The following CACNB4 variants were observed in gnomAD, a reference collection of about 807,000 sequenced individuals.
CACNB4 encodes voltage-dependent L-type calcium channel subunit beta-4.
In CACNB4, 32 loss-of-function variants were observed where a neutral mutation model predicts 71.2. The ratio of observed to expected loss-of-function variants is 0.45; its 90% CI spans 0.34 to 0.60. CACNB4 has a LOEUF of 0.60. CACNB4 is among the 20% of genes least tolerant of loss of function. CACNB4 has a pLI of 0.01. For synonymous variants in CACNB4, 231 were observed against 236.9 expected (o/e 0.97, Z 0.23); for missense variants, 464 against 647.9 (o/e 0.72, Z 3.08).
chr2:151,870,611 T>C lies in CACNB4; in HGVS notation c.619A>G (p.Thr207Ala). The C allele has an allele frequency of 1.9e-6, 3 of 1,613,036 alleles. No individual in the cohort carries two copies. The South Asian group carries it at 3.3e-5, about 18-fold the overall frequency. ...TSTAKQKQKV[T>A]EHIPPYDVVP... ...ACATCGTAAGGAGGAATGTGCTCCG[T>C]CTGAAAAAGATGATTCGACACGCGT... The change falls in exon 8 of 14, where the codon ACG becomes GCG. Residue 207 changes from threonine (T) to alanine (A), a missense_variant and splice_region_variant. Thr to Ala is a moderately conservative substitution (Grantham distance 58, BLOSUM62 0). This residue lies in a region of CACNB4 where 299 missense variants were observed against 471.7 expected (regional missense o/e 0.63). Transcript: ENST00000539935.
intron 2 of CACNB4, among the ~76,000 whole-genome samples, chr2:152,041,240 T>C (rs189877029): frequency 6.6e-6 from 1 of 152,340 alleles, no homozygotes; most frequent in Admixed American, 6.5e-5. Context: ...TTATTCCCCT[T>C]TGGAACTTTT....
chr2:152,010,097 C>T (rs184627448), intron 2 of CACNB4, among the ~76,000 whole-genome samples: 2 of 152,318 alleles, frequency 1.3e-5, no homozygotes, highest in East Asian at 3.8e-4. Flanking sequence ...AGATGTTGCG[C>T]TAACCTTTAA....
intron 4 of CACNB4, 164 bp downstream of exon 4, chr2:151,880,636 T>A (rs2099847592): frequency 1.5e-6 from 1 of 681,504 alleles, no homozygotes; most frequent in South Asian, 1.8e-5. Context: ...GATCTCAGAC[T>A]TCTCAATCTT....
chr2:151,858,106 A>C (rs1249430279), intron 10 of CACNB4: 1 of 152,242 alleles, frequency 6.6e-6, no homozygotes, highest in Non-Finnish European at 1.5e-5. Flanking sequence ...ACCAAATCAA[A>C]AAATCTTGGC....
chr2:151,912,489 C>T (rs556428605), intron 2 of CACNB4, among the ~76,000 whole-genome samples: 2 of 152,184 alleles, frequency 1.3e-5, no homozygotes, highest in South Asian at 4.1e-4. Flanking sequence ...GAGTGAGTTT[C>T]TTAATCCTGA....
rs933022131 is a variant in CACNB4 at position 152,017,435 on chromosome 2, C to T, written c.147+80895G>A. 2.1e-4 allele frequency among the ~76,000 whole-genome samples: 31 copies of T among 151,172 alleles called. 2 individuals are homozygous for T. Among genetic ancestry groups the T allele is most frequent in the African/African-American group, 6.7e-4 (27 of 40,486 alleles). On this transcript the variant is annotated intron_variant, in intron 2 of 13. Transcript: ENST00000539935. ...TTAAAAAAATGAGATGGGCCGGGCGCGGTGGCTCACGCCTGTAATCCCAGC... is the reference window on the plus strand; with the variant it reads ...TTAAAAAAATGAGATGGGCCGGGCGTGGTGGCTCACGCCTGTAATCCCAGC...
chr2:151,833,642 C>T lies in CACNB4; in HGVS notation c.*5477G>A, dbSNP rs1350837133. On this transcript the variant is annotated 3_prime_UTR_variant, in exon 14 of 14. Coordinates refer to ENST00000539935, the MANE Select transcript of CACNB4 (RefSeq NM_000726.5). Reference sequence around the variant, plus strand: ...AATAAATTGCTGGAAAAGTATCAAGCAGCAAGTTAAAAAGATGGTAGATGA... The same window carrying T: ...AATAAATTGCTGGAAAAGTATCAAGTAGCAAGTTAAAAAGATGGTAGATGA... The T allele has an allele frequency of 1.3e-5, 2 of 151,938 alleles. No homozygotes were observed. The highest frequency in any genetic ancestry group is 3.9e-4 in the East Asian group (2 of 5,182). The allele number at this position is 151,938 out of a possible 1,614,324, so 9.4% of individuals were successfully genotyped here. A position where few individuals can be genotyped will look rare whatever the true frequency, so the allele number is the denominator to read the frequency against.
intron 2 of CACNB4, among the ~76,000 whole-genome samples, chr2:152,061,542 A>AT (rs756381983): frequency 2.5e-4 from 38 of 152,042 alleles, no homozygotes; most frequent in Admixed American, 2.0e-3. Context: ...AAAAGAGCAT[A>AT]TTACATCAAT....
At chr2:151,975,076 C>T (rs1028465466) in intron 2 of CACNB4, among the ~76,000 whole-genome samples, 6 of 152,156 alleles carry the variant, frequency 3.9e-5, no homozygotes, top group African/African-American at 1.2e-4. Flanking sequence ...TTTCTTCACC[C>T]GCCAAAATGA....
At chr2:151,900,222 A>G (rs1041797779) in intron 2 of CACNB4, among the ~76,000 whole-genome samples, 9 of 152,210 alleles carry the variant, frequency 5.9e-5, no homozygotes, top group African/African-American at 1.9e-4. Flanking sequence ...AGAGCTTTCA[A>G]ACAAGTTGGA....
chr2:152,062,713 G>C (rs1381834659), intron 2 of CACNB4, among the ~76,000 whole-genome samples: 1 of 152,144 alleles, frequency 6.6e-6, no homozygotes, highest in African/African-American at 2.4e-5. Flanking sequence ...TGGCAAGACA[G>C]AGCCTTTGCC....
chr2:151,960,150 A>G (rs62175754), intron 2 of CACNB4, among the ~76,000 whole-genome samples: 4,398 of 152,306 alleles, frequency 0.029, 66 homozygotes, highest in African/African-American at 0.039. Flanking sequence ...TAGCTTTCAG[A>G]AAGCCCCTTA....
intron 2 of CACNB4, among the ~76,000 whole-genome samples, chr2:151,999,973 C>T (rs1017909434): frequency 1.3e-5 from 2 of 152,200 alleles, no homozygotes; most frequent in African/African-American, 2.4e-5. Flanking sequence ...ACTTTGTTGA[C>T]TGAAATGGAC....
At chr2:151,879,437 G>GCGTTGTAGCTTTTCTCTA (rs2099847265) in intron 4 of CACNB4, 1 of 140,224 alleles carries the variant, frequency 7.1e-6, no homozygotes, top group African/African-American at 2.6e-5. Flanking sequence ...GCTTTTCTCT[G>GCGTTGTAGCTTTTCTCTA]CATTTAAGCT....
chr2:152,077,591 G>A (rs929200499), intron 2 of CACNB4, among the ~76,000 whole-genome samples: 4 of 151,968 alleles, frequency 2.6e-5, no homozygotes, highest in African/African-American at 9.7e-5. Context: ...TGAGTCACAC[G>A]TGGTGGTGCA....
chr2:152,065,909 A>C (rs769515783), intron 2 of CACNB4, among the ~76,000 whole-genome samples: 5 of 152,138 alleles, frequency 3.3e-5, no homozygotes, highest in Non-Finnish European at 5.9e-5. Flanking sequence ...ATCTGGCCTA[A>C]GGGGGTATAA....
chr2:151,995,997 G>A (rs79872355), intron 2 of CACNB4, among the ~76,000 whole-genome samples: 8,374 of 152,242 alleles, frequency 0.055, 901 homozygotes, highest in East Asian at 0.46. Flanking sequence ...ATGAATGGTC[G>A]GAGCAAGTCC....
rs1257214495 is a variant in CACNB4, at chr2:151,876,466, G to A, written c.481C>T (p.Arg161Trp). Residue 161 changes from arginine to tryptophan, a missense_variant, in exon 5 of 14, where the codon CGG becomes TGG. Physicochemically the swap from Arg to Trp is moderately radical, Grantham distance 101. Coordinates refer to ENST00000539935, the MANE Select transcript of CACNB4 (RefSeq NM_000726.5). The stretch of plus-strand genomic sequence containing the variant: ...CCTCTTTTTTGTTCTTGCTGGATCC[G>A]TATGTTCTCCAATCTGAGTGGACTT... ...IPSPLRLENIRIQQEQKRGRF... is the reference protein window; with the variant it reads ...IPSPLRLENIWIQQEQKRGRF... 9.4e-6 allele frequency: 15 copies of A among 1,602,664 alleles called. No homozygotes were observed. Among genetic ancestry groups the A allele is most frequent in the African/African-American group, 2.7e-5 (2 of 74,570 alleles).
rs551040742 is a variant in CACNB4, at chr2:151,878,063, G to T, written c.391-1507C>A. 2.0e-5 allele frequency among the ~76,000 whole-genome samples: 3 copies of T among 152,152 alleles called. No homozygotes were observed. In the South Asian group the frequency reaches 6.2e-4, roughly 32 times the overall value. Reference sequence around the variant, plus strand: ...AACTTCCTTTACTGTTTTTATCAGTGTTGGGCAAGATAATTCTCTCCTATT... The same window carrying T: ...AACTTCCTTTACTGTTTTTATCAGTTTTGGGCAAGATAATTCTCTCCTATT... On this transcript the variant is annotated intron_variant, in intron 4 of 13. Coordinates refer to ENST00000539935, the MANE Select transcript of CACNB4 (RefSeq NM_000726.5).
Sources: gnomAD v4.1 joint callset for allele counts (sites outside exome capture counted in the v4.1 genomes callset) on GRCh38, gnomAD v4.1.1 for gene constraint, gnomAD v4.1.1 regional missense constraint, MANE v1.5 for transcripts, NCBI Gene and HGNC (gene_info 2026-07-23, HGNC 2026-07-21) for gene names.